The following SPTBN2 variants were observed in gnomAD, a reference collection of about 807,000 sequenced individuals.
SPTBN2 encodes spectrin beta, non-erythrocytic 2.
SPTBN2 carries 107 observed loss-of-function variants against 284.2 expected under a neutral mutation model. That is an observed-to-expected ratio of 0.38 (90% confidence interval 0.32 to 0.44). The LOEUF is 0.44. Ranked by LOEUF, SPTBN2 falls within the 20% of genes least tolerant of loss-of-function variation. The probability of loss-of-function intolerance (pLI) is 1.00; values close to 1 mark genes in which losing one functional copy is unlikely to be tolerated. For missense variants in SPTBN2, 2,569 were observed against 3,287.1 expected, an observed-to-expected ratio of 0.78 and a Z score of 5.34; for synonymous variants, 1,289 against 1,354.8, an observed-to-expected ratio of 0.95 and a Z score of 1.07.
Position 66,708,206 on chromosome 11 carries a change from G to A in SPTBN2, c.1285C>T (p.Arg429Cys). 1.9e-6 allele frequency: 3 copies of A among 1,612,034 alleles called. No homozygotes were observed. Among genetic ancestry groups the A allele is most frequent in the Middle Eastern group, 3.3e-4 (2 of 6,056 alleles). The stretch of plus-strand genomic sequence containing the variant: ...CGCATGGCAGCCTTGCGGTCGAAGC[G>A]GGCGGCCAGCTGCTCCAGCTTCTCC... The part of the protein sequence containing the change: ...RQEKLEQLAA[R>C]FDRKAAMRET... Residue 429 changes from arginine (R) to cysteine (C), a missense_variant, in exon 12 of 38, where the codon CGC becomes TGC. Transcript: ENST00000533211. This position sits in a 1 kb window ranked among gnomAD's most constrained non-coding sequence, Gnocchi z 4.4.
At position 66,705,739 on chromosome 11, in the gene SPTBN2, G is replaced by A. The variant is rs772688692; in HGVS notation, c.1752C>T (p.Ala584=). 1.1e-5 allele frequency: 17 copies of A among 1,612,392 alleles called. No homozygotes were observed. The highest frequency in any genetic ancestry group is 2.2e-5 in the East Asian group (1 of 44,890). ...AGGCGCTGACGGCCCGCACCCTCTC[G>A]GCCTGCACGGCGATGTCTGCCTCCA... The part of the protein sequence containing the change: ...ELVEADIAVQ[A]ERVRAVSASA... Residue 584 remains alanine, a synonymous_variant, in exon 14 of 38, where the codon GCC becomes GCT. Coordinates refer to ENST00000533211, the MANE Select transcript of SPTBN2 (RefSeq NM_006946.4).
chr11:66,697,151 C>T (rs1218143160), intron 20 of SPTBN2, among the ~76,000 whole-genome samples: 1 of 152,106 alleles, frequency 6.6e-6, no homozygotes, highest in Non-Finnish European at 1.5e-5. Flanking sequence ...CCATCTACAC[C>T]CCCGCAGAAT....
chr11:66,739,069 A>G (rs1942876748), intron 1 of SPTBN2, among the ~76,000 whole-genome samples: 1 of 152,110 alleles, frequency 6.6e-6, no homozygotes, highest in South Asian at 2.1e-4. Flanking sequence ...AGCCTCCCCA[A>G]ATGCTGGGAT....
At chr11:66,738,815 T>C (rs1014133413) in intron 1 of SPTBN2, among the ~76,000 whole-genome samples, 3 of 135,130 alleles carry the variant, frequency 2.2e-5, no homozygotes, top group Non-Finnish European at 4.8e-5. Context: ...CGCTTGGCCA[T>C]TATTATTATT....
rs141683210 is a variant in SPTBN2 at position 66,699,460 on chromosome 11, T to C, written c.3722A>G (p.Glu1241Gly). The C allele has an allele frequency of 9.8e-4, 1,579 of 1,614,150 alleles. 6 individuals carry two copies. The highest frequency in any genetic ancestry group is 1.6e-3 in the South Asian group (147 of 91,080). The part of the protein sequence containing the change: ...LLEAGRQLVS[E>G]GNIHADKIRE... ...AATCTTGTCGGCGTGGATGTTGCCT[T>C]CAGATACCAGCTGGCGGCCAGCCTC... The change falls in exon 18 of 38, where the codon GAA becomes GGA. Residue 1241 changes from glutamate to glycine, a missense_variant. Physicochemically the swap from Glu to Gly is moderately conservative, Grantham distance 98. Coordinates refer to ENST00000533211, the MANE Select transcript of SPTBN2 (RefSeq NM_006946.4).
chr11:66,687,662 G>T lies in SPTBN2; in HGVS notation c.6502-15C>A. 1.9e-6 allele frequency: 3 copies of T among 1,583,210 alleles called. No homozygotes were observed. The highest frequency in any genetic ancestry group is 2.6e-6 in the Non-Finnish European group (3 of 1,164,668). On this transcript the variant is annotated splice_polypyrimidine_tract_variant and intron_variant, in intron 34 of 37. Transcript: ENST00000533211. This position sits in a 1 kb window ranked among gnomAD's most constrained non-coding sequence, Gnocchi z 5.2. Reference sequence around the variant, plus strand: ...GAGCCAGGTCCCTGGGGGGGAATCAGTGTCAGTGTCAAAGGTTGAGACGGG... The same window carrying T: ...GAGCCAGGTCCCTGGGGGGGAATCATTGTCAGTGTCAAAGGTTGAGACGGG...
At chr11:66,699,813 T>A (rs1441170361) in intron 17 of SPTBN2, among the ~76,000 whole-genome samples, 2 of 152,146 alleles carry the variant, frequency 1.3e-5, no homozygotes, top group Non-Finnish European at 2.9e-5. Flanking sequence ...GGACCTTCCA[T>A]TCCCCAGCCC....
Position 66,686,079 on chromosome 11 carries a change from A to G in SPTBN2, c.6965T>C (p.Val2322Ala), listed in dbSNP as rs542313918. The G allele has an allele frequency of 2.5e-6, 4 of 1,613,258 alleles. No individual in the cohort carries two copies. In the South Asian group the frequency reaches 3.3e-5, roughly 13 times the overall value. ...DEAEMSSWLR[V>A]VNAAIATASS... is the part of the protein sequence containing the mutation. ...CGCTGTGGCAATGGCTGCATTCACCACCCGTAGCCACGAGCTCATCTCTGC... is the reference window on the plus strand; with the variant it reads ...CGCTGTGGCAATGGCTGCATTCACCGCCCGTAGCCACGAGCTCATCTCTGC... The change falls in exon 38 of 38, where the codon GTG (valine) becomes GCG (alanine). Residue 2322 changes from valine (V) to alanine (A), a missense_variant. Coordinates refer to ENST00000533211, the MANE Select transcript of SPTBN2 (RefSeq NM_006946.4).
rs558342230 is a variant in SPTBN2, at chr11:66,706,785, A to G, written c.1653+731T>C. Among the ~76,000 whole-genome samples, 11 of 149,678 alleles carry G rather than the reference A, an allele frequency of 7.3e-5. No homozygotes were observed. In the South Asian group the frequency reaches 2.1e-3, roughly 29 times the overall value. On this transcript the variant is annotated intron_variant, in intron 13 of 37. Coordinates refer to ENST00000533211, the MANE Select transcript of SPTBN2 (RefSeq NM_006946.4). ...GCTGGGACTACAGGCATGCGCTACC[A>G]CCGCACCTGGTTAATTTCTGTATTT...
At position 66,702,602 on chromosome 11, in the gene SPTBN2, C is replaced by T. The variant is rs1040844660; in HGVS notation, c.2679-881G>A. Among the ~76,000 whole-genome samples, 9 of 152,116 alleles carry T rather than the reference C, an allele frequency of 5.9e-5. No homozygotes were observed. In the East Asian group the frequency reaches 7.7e-4, roughly 13 times the overall value. On this transcript the variant is annotated intron_variant, in intron 15 of 37. Coordinates refer to ENST00000533211, the MANE Select transcript of SPTBN2 (RefSeq NM_006946.4). ...TGCTGCTGTAGCCTGAAAGCAGCCA[C>T]GGGCAATACGCAAAAGGGCGAGTGT...
chr11:66,710,546 C>T lies in SPTBN2; in HGVS notation c.1073+36G>A, dbSNP rs775894279. On this transcript the variant is annotated intron_variant, in intron 10 of 37. Transcript: ENST00000533211. This position sits in a 1 kb window ranked among gnomAD's most constrained non-coding sequence, Gnocchi z 4.9. Reference sequence around the variant, plus strand: ...ATTTAGGCTTCCTCTCGTGGGAGCACAGCTCAGGGAAGGGTGGGGCCCCAG... The same window carrying T: ...ATTTAGGCTTCCTCTCGTGGGAGCATAGCTCAGGGAAGGGTGGGGCCCCAG... 3.7e-6 allele frequency: 6 copies of T among 1,606,534 alleles called. No homozygotes were observed. In the Admixed American group the frequency reaches 1.0e-4, roughly 27 times the overall value.
Position 66,683,098 on chromosome 11 carries a change from C to T in SPTBN2, c.*2773G>A, listed in dbSNP as rs1471466297. Among the ~76,000 whole-genome samples the T allele has an allele frequency of 1.2e-4, 14 of 112,098 alleles. No homozygotes were observed. The highest frequency in any genetic ancestry group is 2.0e-4 in the Non-Finnish European group (12 of 59,330). The allele number at this position is 112,098 out of a possible 152,430, so 73.5% of individuals were successfully genotyped here. A position where few individuals can be genotyped will look rare whatever the true frequency, so the allele number is the denominator to read the frequency against. ...TTTTTTTTTTTTTGAGATGGAGTCT[C>T]GCTCTGTCACCCAGGCTGGAGCGCA... On this transcript the variant is annotated 3_prime_UTR_variant, in exon 38 of 38. Transcript: ENST00000533211.
intron 15 of SPTBN2, among the ~76,000 whole-genome samples, chr11:66,703,138 T>A (rs1286550504): frequency 6.6e-6 from 1 of 151,644 alleles, no homozygotes; most frequent in Non-Finnish European, 1.5e-5. Flanking sequence ...TGGAGTGCAG[T>A]GGCACGATCT....
intron 3 of SPTBN2, among the ~76,000 whole-genome samples, chr11:66,717,753 G>A (rs1942212930): frequency 6.6e-6 from 1 of 152,166 alleles, no homozygotes; most frequent in Non-Finnish European, 1.5e-5. Flanking sequence ...CAACTAGGAG[G>A]AAAATGGGCA....
intron 1 of SPTBN2, among the ~76,000 whole-genome samples, chr11:66,724,483 A>G (rs757146955): frequency 2.0e-5 from 3 of 152,104 alleles, no homozygotes; most frequent in South Asian, 4.2e-4. Context: ...GCCACTTCAC[A>G]TATCTATGTT....
Position 66,687,701 on chromosome 11 carries a change from G to T in SPTBN2, c.6502-54C>A, listed in dbSNP as rs894424642. 2 of 1,574,510 alleles carry T rather than the reference G, an allele frequency of 1.3e-6. No homozygotes were observed. The highest frequency in any genetic ancestry group is 2.7e-5 in the African/African-American group (2 of 74,082). ...GGTTGAGACGGGAGATCCCTAACCT[G>T]GGTGCCAGGAAGCTCCGTGTCCAGG... On this transcript the variant is annotated intron_variant, in intron 34 of 37. Coordinates refer to ENST00000533211, the MANE Select transcript of SPTBN2 (RefSeq NM_006946.4). This position sits in a 1 kb window ranked among gnomAD's most constrained non-coding sequence, Gnocchi z 5.2.
chr11:66,690,391 A>C (rs1043313874), intron 27 of SPTBN2, 108 bp from the exon 28 acceptor site: 66 of 1,418,830 alleles, frequency 4.7e-5, no homozygotes, highest in African/African-American at 1.2e-4. Context: ...ACAGCCAAAG[A>C]AGCAGGGGGA....
At chr11:66,736,015 C>G (rs1170847391) in intron 1 of SPTBN2, among the ~76,000 whole-genome samples, 1 of 152,152 alleles carries the variant, frequency 6.6e-6, no homozygotes, top group African/African-American at 2.4e-5. Context: ...TTACTTAGAC[C>G]ATGAAGTCAG....
intron 31 of SPTBN2, among the ~76,000 whole-genome samples, 159 bp downstream of exon 31, chr11:66,688,494 C>G (rs1940307754): frequency 6.6e-6 from 1 of 152,068 alleles, no homozygotes; most frequent in Non-Finnish European, 1.5e-5. Context: ...CCCAGGGGAA[C>G]TGACACCTCC....
Sources: gnomAD v4.1 joint callset for allele counts (sites outside exome capture counted in the v4.1 genomes callset) on GRCh38, gnomAD v4.1.1 for gene constraint, Gnocchi (gnomAD v3.1) non-coding constraint, MANE v1.5 for transcripts, NCBI Gene and HGNC (gene_info 2026-07-23, HGNC 2026-07-21) for gene names.